Variants in TRIM14 observed in about 807,000 individuals in gnomAD.
TRIM14 encodes tripartite motif containing 14, also known as tripartite motif-containing protein 14.
A neutral mutation model predicts 44.5 loss-of-function variants in TRIM14; 28 were observed. The ratio of observed to expected loss-of-function variants is 0.63; its 90% confidence interval spans 0.47 to 0.86. The LOEUF is 0.86. Among genes scored for constraint, TRIM14 ranks in the 40% least tolerant of loss-of-function variants. The pLI is 0.00. For missense variants in TRIM14, 607 were observed against 611.1 expected (o/e 0.99, Z 0.07); for synonymous variants, 299 against 269.2 (o/e 1.11, Z -1.08).
intron 4 of TRIM14, chr9:98,092,342 G>GA: frequency 4.7e-6 from 1 of 210,930 alleles, no homozygotes; most frequent in East Asian, 1.2e-4. Flanking sequence ...CAGAAAGAAA[G>GA]AAGGAGGGGA....
chr9:98,040,650 G>A, the TRIM14 span, among the ~76,000 whole-genome samples: 1 of 148,932 alleles, frequency 6.7e-6, no homozygotes, highest in Non-Finnish European at 1.5e-5. Context: ...AGCTTCACCT[G>A]CGTATTTTCT....
At position 98,095,219 on chromosome 9, in the gene TRIM14, G is replaced by A. The variant is rs1250331515; in HGVS notation, c.538-190C>T. Among the ~76,000 whole-genome samples the A allele has an allele frequency of 6.6e-6, 1 of 152,238 alleles. No homozygotes were observed. The highest frequency in any genetic ancestry group is 1.5e-5 in the Non-Finnish European group (1 of 68,046). ...AGACCATACGGCATCCCTGAGGTGGGAGCCATGCGGAGGTGCGGTTTTTCA... is the reference window on the plus strand; with the variant it reads ...AGACCATACGGCATCCCTGAGGTGGAAGCCATGCGGAGGTGCGGTTTTTCA... On this transcript the variant is annotated intron_variant, in intron 3 of 5. Transcript: ENST00000341469. This position sits in a 1 kb window ranked among gnomAD's most constrained non-coding sequence, Gnocchi z 4.1.
chr9:98,113,619 G>A (rs943485566), intron 1 of TRIM14, among the ~76,000 whole-genome samples: 1 of 152,124 alleles, frequency 6.6e-6, no homozygotes, highest in Non-Finnish European at 1.5e-5. Context: ...CCTCCCAAAG[G>A]GCTAGGATTA....
intron 1 of TRIM14, among the ~76,000 whole-genome samples, chr9:98,112,449 G>A (rs2118656426): frequency 6.6e-6 from 1 of 152,246 alleles, no homozygotes; most frequent in Non-Finnish European, 1.5e-5. Flanking sequence ...AATTCTAGAA[G>A]GTCTGTGGAA....
At chr9:98,094,342 G>C (rs943292169) in intron 4 of TRIM14, among the ~76,000 whole-genome samples, 12 of 152,284 alleles carry the variant, frequency 7.9e-5, no homozygotes, top group African/African-American at 2.4e-4. Context: ...TGCCCTTCAC[G>C]TGCTTACAAG....
chr9:98,066,297 A>G (rs900032209), downstream of TRIM14, among the ~76,000 whole-genome samples: 1 of 152,184 alleles, frequency 6.6e-6, no homozygotes, highest in African/African-American at 2.4e-5. Flanking sequence ...CACAAAGGCA[A>G]AGCTATTTCC....
chr9:98,041,181 G>A, the TRIM14 span, among the ~76,000 whole-genome samples: 1 of 151,998 alleles, frequency 6.6e-6, no homozygotes, highest in African/African-American at 2.4e-5. Flanking sequence ...AAAATTCCCA[G>A]TATTAAAAGT....
rs1194140185 is a variant in TRIM14 at position 98,086,110 on chromosome 9, T to C, written c.*1360A>G. On this transcript the variant is annotated 3_prime_UTR_variant, in exon 6 of 6. Transcript: ENST00000341469. ...GGGTTTCCTTGGCAACATCTGGATCTAAGGGTGCTCTTACCCTTTTTGTCC... is the reference window on the plus strand; with the variant it reads ...GGGTTTCCTTGGCAACATCTGGATCCAAGGGTGCTCTTACCCTTTTTGTCC... 1 of 152,256 alleles carries C rather than the reference T, an allele frequency of 6.6e-6. No individual in the cohort carries two copies. The highest frequency in any genetic ancestry group is 1.9e-4 in the East Asian group (1 of 5,202). 9.4% of individuals were successfully genotyped at this position (152,256 alleles called of 1,614,324 possible).
intron 2 of TRIM14, among the ~76,000 whole-genome samples, chr9:98,105,621 A>T (rs182766363): frequency 3.8e-4 from 58 of 152,324 alleles, no homozygotes; most frequent in Non-Finnish European, 6.2e-4. Context: ...AACAAAGTAA[A>T]TTCACTGATG....
chr9:98,066,152 T>C (rs1829141716), downstream of TRIM14, among the ~76,000 whole-genome samples: 1 of 152,214 alleles, frequency 6.6e-6, no homozygotes. Flanking sequence ...TAAGGAGAAA[T>C]GTTATGTGTG....
chr9:98,043,538 G>C, the TRIM14 span, among the ~76,000 whole-genome samples: 2 of 151,942 alleles, frequency 1.3e-5, no homozygotes, highest in African/African-American at 2.4e-5. Flanking sequence ...TAAATTCAGA[G>C]AGGAAAAAGT....
At chr9:98,117,359 G>A (rs1456628976) in intron 1 of TRIM14, among the ~76,000 whole-genome samples, 31 of 152,110 alleles carry the variant, frequency 2.0e-4, no homozygotes, top group African/African-American at 3.4e-4. Flanking sequence ...GTGCGGTGGC[G>A]TGATCTCGGC....
chr9:98,117,505 G>A (rs59351367), intron 1 of TRIM14, among the ~76,000 whole-genome samples: 1,676 of 152,112 alleles, frequency 0.011, 25 homozygotes, highest in African/African-American at 0.038. Context: ...CCCCATGTTG[G>A]CCAGGCCTCA....
intron 6 of TRIM14, chr9:98,076,792 A>C: frequency 1.4e-6 from 1 of 692,164 alleles, no homozygotes; most frequent in Admixed American, 3.1e-5. Flanking sequence ...CCTGCTTTCA[A>C]GTTGCTGAGC....
the TRIM14 span, chr9:98,060,756 G>A: frequency 6.2e-7 from 1 of 1,608,920 alleles, no homozygotes; most frequent in Non-Finnish European, 8.5e-7. Flanking sequence ...GACAGTCACT[G>A]AAAGATGTCC....
Position 98,087,456 on chromosome 9 carries a change from G to A in TRIM14, c.*14C>T, listed in dbSNP as rs1198985284. On this transcript the variant is annotated 3_prime_UTR_variant, in exon 6 of 6. Coordinates refer to ENST00000341469, the MANE Select transcript of TRIM14 (RefSeq NM_014788.4). The stretch of plus-strand genomic sequence containing the variant: ...CTGCGGCGTACCTGGAGGCTGTCAC[G>A]CCGGTCCTGGCCCCTAGGGCAGCCG... The A allele has an allele frequency of 3.1e-6, 5 of 1,604,772 alleles. No homozygotes were observed. In the African/African-American group the frequency reaches 4.0e-5, roughly 13 times the overall value.
chr9:98,092,506 A>C (rs188801108), intron 4 of TRIM14: 10 of 429,410 alleles, frequency 2.3e-5, no homozygotes, highest in Non-Finnish European at 4.7e-5. Flanking sequence ...ACCTCCGCAG[A>C]AGTGCCTTCC....
At chr9:98,036,149 A>G in the TRIM14 span, among the ~76,000 whole-genome samples, 1 of 151,788 alleles carries the variant, frequency 6.6e-6, no homozygotes, top group African/African-American at 2.4e-5. Flanking sequence ...GTGAGCAGAG[A>G]TCGTGCCATT....
At chr9:98,067,671 T>C (rs900927259), downstream of TRIM14, among the ~76,000 whole-genome samples, 18 of 152,212 alleles carry the variant, frequency 1.2e-4, no homozygotes, top group Non-Finnish European at 1.3e-4. Context: ...AGTCCTTTAG[T>C]AGATAAATGA....
Sources: gnomAD v4.1 joint callset for allele counts (sites outside exome capture counted in the v4.1 genomes callset) on GRCh38, gnomAD v4.1.1 for gene constraint, Gnocchi (gnomAD v3.1) non-coding constraint, MANE v1.5 for transcripts, NCBI Gene and HGNC (gene_info 2026-07-23, HGNC 2026-07-21) for gene names.